Variants in GAPVD1 observed in about 807,000 individuals in gnomAD.
GAPVD1 encodes GTPase activating protein and VPS9 domains 1, also known as GTPase-activating protein and VPS9 domain-containing protein 1.
In GAPVD1, 35 loss-of-function variants were observed where a neutral mutation model predicts 155.5. The ratio of observed to expected loss-of-function variants is 0.23; its 90% confidence interval spans 0.17 to 0.30. The LOEUF (loss-of-function observed/expected upper bound fraction) is 0.30, where lower values mean the gene tolerates loss of function less well. GAPVD1 is among the 10% of genes least tolerant of loss of function. The probability of loss-of-function intolerance (pLI) is 1.00; values close to 1 mark genes in which losing one functional copy is unlikely to be tolerated. For missense variants in GAPVD1, 1,429 were observed against 1,775.7 expected, an observed-to-expected ratio of 0.80 and a Z score of 3.51; for synonymous variants, 636 against 619.7, an observed-to-expected ratio of 1.03 and a Z score of -0.39.
chr9:125,302,709 A>C lies in GAPVD1; in HGVS notation c.912A>C (p.Ala304=). The part of the protein sequence containing the change: ...VDRLEVGEVR[A]MCTDLLLACF... ...GGCTGGAAGTTGGGGAGGTCAGGGC[A>C]ATGTGTACTGATCTCCTGTTGGCCT... The change falls in exon 5 of 28, where the codon GCA becomes GCC. Residue 304 remains alanine, a synonymous_variant. Transcript: ENST00000297933. 6.2e-7 allele frequency: 1 copy of C among 1,614,018 alleles called. No individual in the cohort carries two copies.
chr9:125,358,080 G>T (rs560920914), intron 25 of GAPVD1, among the ~76,000 whole-genome samples: 1 of 152,016 alleles, frequency 6.6e-6, no homozygotes, highest in East Asian at 1.9e-4. Flanking sequence ...GACTAGGGAA[G>T]ATTTTGCAGT....
At chr9:125,342,627 A>C (rs1241528809) in intron 19 of GAPVD1, among the ~76,000 whole-genome samples, 1 of 152,218 alleles carries the variant, frequency 6.6e-6, no homozygotes, top group Non-Finnish European at 1.5e-5. Context: ...GTGTGGTGAC[A>C]GTTTTGGTGC....
intron 27 of GAPVD1, among the ~76,000 whole-genome samples, chr9:125,361,563 C>T (rs1157748918): frequency 6.6e-6 from 1 of 151,350 alleles, no homozygotes; most frequent in Non-Finnish European, 1.5e-5. Flanking sequence ...TTAGTTGGGG[C>T]TCAGTATATA....
intron 11 of GAPVD1, among the ~76,000 whole-genome samples, chr9:125,325,519 CAAAAAAAA>C (rs34510251): frequency 1.1e-5 from 1 of 93,244 alleles, no homozygotes; most frequent in East Asian, 3.1e-4. Flanking sequence ...GACTCCATCT[CAAAAAAAA>C]AAAAAAAAAA....
chr9:125,355,659 C>A lies in GAPVD1; in HGVS notation c.3773C>A (p.Thr1258Asn), dbSNP rs1195226708. Reference sequence around the variant, plus strand: ...TGCTTTGGAGACTTTCAGAAACTCACCGCAGCTGACGATAAAACTGCTCAG... The same window carrying A: ...TGCTTTGGAGACTTTCAGAAACTCAACGCAGCTGACGATAAAACTGCTCAG... ...REFIQDFQKL[T>N]AADDKTAQVE... is the part of the protein sequence containing the mutation. Residue 1258 changes from threonine to asparagine, a missense_variant, in exon 25 of 28, where the codon ACC becomes AAC. By Grantham distance (65) the Thr-to-Asn change is moderately conservative. Coordinates refer to ENST00000297933, the MANE Select transcript of GAPVD1 (RefSeq NM_001282680.3). 1.2e-6 allele frequency: 2 copies of A among 1,609,030 alleles called. No homozygotes were observed. The highest frequency in any genetic ancestry group is 1.7e-5 in the Admixed American group (1 of 59,990).
At chr9:125,286,099 C>T (rs1837650228) in intron 2 of GAPVD1, among the ~76,000 whole-genome samples, 1 of 151,558 alleles carries the variant, frequency 6.6e-6, no homozygotes, top group Non-Finnish European at 1.5e-5. Flanking sequence ...TGAGCCACTT[C>T]ACCTGGCCAT....
At chr9:125,311,590 T>TATAC (rs1456958884) in intron 8 of GAPVD1, among the ~76,000 whole-genome samples, 2 of 152,208 alleles carry the variant, frequency 1.3e-5, no homozygotes, top group Non-Finnish European at 2.9e-5. Context: ...CATTGCACTG[T>TATAC]AGCCTGGGCA....
At chr9:125,307,906 C>G in intron 8 of GAPVD1, 26 bp downstream of exon 8, 1 of 1,439,814 alleles carries the variant, frequency 6.9e-7, no homozygotes, top group East Asian at 2.3e-5. Flanking sequence ...CGTATTGGAG[C>G]TTTCTCTTAA....
chr9:125,291,013 G>T (rs1028348547), intron 2 of GAPVD1, among the ~76,000 whole-genome samples: 6 of 122,828 alleles, frequency 4.9e-5, no homozygotes, highest in African/African-American at 1.9e-4. Flanking sequence ...AAAAAAAAAA[G>T]ACTGGGCATA....
intron 1 of GAPVD1, among the ~76,000 whole-genome samples, chr9:125,265,926 A>T (rs1334203067): frequency 9.2e-5 from 13 of 141,000 alleles, no homozygotes; most frequent in African/African-American, 2.2e-4. Context: ...AAAATTTATA[A>T]AAAAAAAAAA....
chr9:125,263,523 C>T (rs1411826847), intron 1 of GAPVD1: 3 of 816,052 alleles, frequency 3.7e-6, no homozygotes, highest in Non-Finnish European at 6.2e-6. Flanking sequence ...CTTAGAAGAA[C>T]TGTTGTTTTT....
chr9:125,303,405 T>C (rs956026228), intron 5 of GAPVD1, among the ~76,000 whole-genome samples: 5 of 149,288 alleles, frequency 3.3e-5, no homozygotes, highest in Admixed American at 6.7e-5. Context: ...CCAAGGTGGG[T>C]AGATCGTTTG....
chr9:125,362,523 G>A, intron 27 of GAPVD1, 83 bp from the exon 28 acceptor site: 1 of 1,110,326 alleles, frequency 9.0e-7, no homozygotes, highest in Non-Finnish European at 1.3e-6. Context: ...TTTCATAGAA[G>A]AACATTCGAA....
intron 6 of GAPVD1, among the ~76,000 whole-genome samples, chr9:125,307,154 A>T (rs1291208788): frequency 6.6e-6 from 1 of 151,636 alleles, no homozygotes; most frequent in African/African-American, 2.4e-5. Flanking sequence ...AATCCCAGCT[A>T]CTCGGGAGGC....
chr9:125,310,580 C>T (rs1588858580), intron 8 of GAPVD1, among the ~76,000 whole-genome samples: 1 of 147,460 alleles, frequency 6.8e-6, no homozygotes, highest in East Asian at 2.0e-4. Flanking sequence ...GCTCTTGTTG[C>T]CCAGGCTGGA....
At chr9:125,331,370 T>C (rs1846050789) in intron 13 of GAPVD1, among the ~76,000 whole-genome samples, 1 of 152,084 alleles carries the variant, frequency 6.6e-6, no homozygotes, top group South Asian at 2.1e-4. Flanking sequence ...CTAGCTAGTT[T>C]TTGTATTTTT....
Position 125,316,096 on chromosome 9 carries a change from G to A in GAPVD1, c.1602+3484G>A, listed in dbSNP as rs1240569919. On this transcript the variant is annotated intron_variant, in intron 9 of 27. Transcript: ENST00000297933. Reference sequence around the variant, plus strand: ...CCACACATGACAGAAAATTTAGAGAGATCATTAAATAGTCACTACAACAAG... The same window carrying A: ...CCACACATGACAGAAAATTTAGAGAAATCATTAAATAGTCACTACAACAAG... Among the ~76,000 whole-genome samples, 5 of 152,134 alleles carry A rather than the reference G, an allele frequency of 3.3e-5. No individual in the cohort carries two copies. In the East Asian group the frequency reaches 9.6e-4, roughly 29 times the overall value.
intron 2 of GAPVD1, among the ~76,000 whole-genome samples, chr9:125,293,794 A>G (rs1426909438): frequency 2.3e-5 from 3 of 128,044 alleles, no homozygotes; most frequent in Non-Finnish European, 4.8e-5. Context: ...AATAAAATAT[A>G]TAAAAATTTT....
intron 9 of GAPVD1, among the ~76,000 whole-genome samples, chr9:125,314,300 T>C (rs1283308675): frequency 6.6e-6 from 1 of 152,036 alleles, no homozygotes; most frequent in Non-Finnish European, 1.5e-5. Flanking sequence ...TTTTAAGAAA[T>C]GGAGTTTGAG....
Sources: gnomAD v4.1 joint callset for allele counts (sites outside exome capture counted in the v4.1 genomes callset) on GRCh38, gnomAD v4.1.1 for gene constraint, MANE v1.5 for transcripts, NCBI Gene and HGNC (gene_info 2026-07-23, HGNC 2026-07-21) for gene names.